LCN2: variants seen among roughly 807,000 people sequenced by gnomAD.
LCN2 encodes the protein neutrophil gelatinase-associated lipocalin.
Under a neutral mutation model 26.4 loss-of-function variants are expected in LCN2, and 27 were observed. That is an observed-to-expected ratio of 1.02 (90% confidence interval 0.76 to 1.41). LCN2 has a LOEUF of 1.41. LCN2 is among the 40% of genes most tolerant of loss of function. The pLI is 0.00. For missense variants in LCN2, 224 were observed against 237.6 expected, an observed-to-expected ratio of 0.94 and a Z score of 0.38; for synonymous variants, 94 against 98.9, an observed-to-expected ratio of 0.95 and a Z score of 0.30.
At chr9:128,152,978 A>T (rs1228346924) in intron 5 of LCN2, 122 bp from the exon 6 acceptor site, 3 of 1,379,532 alleles carry the variant, frequency 2.2e-6, no homozygotes, top group Non-Finnish European at 3.1e-6. Context: ...CAGCTGGGCC[A>T]GGTGGGGCAG....
At chr9:128,152,402 G>C in intron 5 of LCN2, 118 bp downstream of exon 5, 2 of 854,354 alleles carry the variant, frequency 2.3e-6, no homozygotes, top group Non-Finnish European at 3.7e-6. Flanking sequence ...CTGGAGCAGT[G>C]GATGGTCCAG....
chr9:128,153,154 G>GGCTT lies in LCN2; in HGVS notation c.*7+30_*7+33dup. 1 of 1,613,834 alleles carries GGCTT rather than the reference G, an allele frequency of 6.2e-7. No homozygotes were observed. The highest frequency in any genetic ancestry group is 2.2e-5 in the East Asian group (1 of 44,882). On this transcript the variant is annotated intron_variant, in intron 6 of 6. Coordinates refer to ENST00000277480, the MANE Select transcript of LCN2 (RefSeq NM_005564.5). This position sits in a 1 kb window ranked among gnomAD's most constrained non-coding sequence, Gnocchi z 5.4. ...GAGTGTGGCTGGGCGGCTGCGAGGG[G>GGCTT]GCTTGTGGGAGGCCAGGGTGCAGTG...
intron 2 of LCN2, 94 bp downstream of exon 2, chr9:128,150,468 G>A: frequency 6.6e-7 from 1 of 1,506,716 alleles, no homozygotes; most frequent in East Asian, 2.3e-5. Context: ...TCACCTCGCT[G>A]TTCTGCCCGG....
Position 128,153,219 on chromosome 9 carries a change from C to T in LCN2, c.*8-92C>T. On this transcript the variant is annotated intron_variant, in intron 6 of 6. Transcript: ENST00000277480. The surrounding 1 kb of genome is among the most constrained non-coding windows in gnomAD (Gnocchi z 5.4). ...GGCCTGCCTTTGCTCATCCCCCTGCCCCCCAGCACTGCTGCTGTCTTTATT... is the reference window on the plus strand; with the variant it reads ...GGCCTGCCTTTGCTCATCCCCCTGCTCCCCAGCACTGCTGCTGTCTTTATT... 7.0e-7 allele frequency: 1 copy of T among 1,428,708 alleles called. No individual in the cohort carries two copies. The highest frequency in any genetic ancestry group is 9.8e-7 in the Non-Finnish European group (1 of 1,016,410). The allele number at this position is 1,428,708 out of a possible 1,614,324, so 88.5% of individuals were successfully genotyped here. A position where few individuals can be genotyped will look rare whatever the true frequency, so the allele number is the denominator to read the frequency against.
rs1322446400 is a variant in LCN2 at position 128,152,233 on chromosome 9, T to C, written c.526T>C (p.Ser176Pro). Reference protein sequence around the residue: ...SELKENFIRFSKSLGLPENHI... With the variant: ...SELKENFIRFPKSLGLPENHI... ...ACTAAAGGAGAACTTCATCCGCTTC[T>C]CCAAATCTCTGGGCCTCCCTGAAAA... Residue 176 changes from serine (S) to proline (P), a missense_variant, in exon 5 of 7, where the codon TCC (serine) becomes CCC (proline). Coordinates refer to ENST00000277480, the MANE Select transcript of LCN2 (RefSeq NM_005564.5). 6.2e-7 allele frequency: 1 copy of C among 1,613,954 alleles called. No individual in the cohort carries two copies. Among genetic ancestry groups the C allele is most frequent in the Admixed American group, 1.7e-5 (1 of 60,008 alleles).
chr9:128,151,297 G>A (rs1366828226), intron 2 of LCN2, among the ~76,000 whole-genome samples: 12 of 152,018 alleles, frequency 7.9e-5, no homozygotes, highest in Admixed American at 7.9e-4. Flanking sequence ...GTGCAGGGGA[G>A]AAATGCAGGG....
intron 3 of LCN2, 81 bp downstream of exon 3, chr9:128,151,798 C>A (rs1412272577): frequency 9.4e-6 from 15 of 1,590,460 alleles, no homozygotes; most frequent in Non-Finnish European, 1.3e-5. Flanking sequence ...CCCCTCCACA[C>A]AGATGTGTTG....
intron 1 of LCN2, 76 bp downstream of exon 1, chr9:128,149,739 C>T (rs982950081): frequency 1.3e-6 from 2 of 1,570,016 alleles, no homozygotes; most frequent in South Asian, 1.1e-5. Flanking sequence ...GGTGAAGAGA[C>T]TCAGGAAGAG....
At chr9:128,152,361 A>G in intron 5 of LCN2, 77 bp downstream of exon 5, 1 of 1,299,440 alleles carries the variant, frequency 7.7e-7, no homozygotes, top group Non-Finnish European at 1.1e-6. Flanking sequence ...GGGATCAGGG[A>G]GAGGAGGGAC....
chr9:128,150,319 A>AG lies in LCN2; in HGVS notation c.220_221insG (p.Thr74SerfsTer4), dbSNP rs1266610368. The AG allele has an allele frequency of 6.2e-7, 1 of 1,614,162 alleles. No individual in the cohort carries two copies. The highest frequency in any genetic ancestry group is 8.5e-7 in the Non-Finnish European group (1 of 1,180,022). ...CAAAGACCCGCAAAAGATGTATGCCACCATCTATGAGCTGAAAGAAGACAA... is the reference window on the plus strand; with the variant it reads ...CAAAGACCCGCAAAAGATGTATGCCAGCCATCTATGAGCTGAAAGAAGACAA... On this transcript the variant is annotated frameshift_variant, in exon 2 of 7. Coordinates refer to ENST00000277480, the MANE Select transcript of LCN2 (RefSeq NM_005564.5). LOFTEE classifies it high-confidence loss of function.
chr9:128,151,847 G>C, intron 3 of LCN2, 59 bp from the exon 4 acceptor site: 2 of 1,607,898 alleles, frequency 1.2e-6, no homozygotes, highest in South Asian at 1.1e-5. Flanking sequence ...GGGGAGGGAG[G>C]GGACAGCTCC....
intron 2 of LCN2, among the ~76,000 whole-genome samples, chr9:128,150,919 C>A (rs1474941122): frequency 2.0e-5 from 3 of 152,196 alleles, no homozygotes; most frequent in Non-Finnish European, 4.4e-5. Context: ...TCTTGGGCCG[C>A]AGGGTGGGGA....
At chr9:128,150,476 C>G in intron 2 of LCN2, 102 bp downstream of exon 2, 3 of 1,448,028 alleles carry the variant, frequency 2.1e-6, no homozygotes, top group Non-Finnish European at 2.9e-6. Flanking sequence ...CTGTTCTGCC[C>G]GGAATTCATC....
chr9:128,149,541 C>T lies in LCN2; in HGVS notation c.16C>T (p.Leu6=). 7 of 1,613,098 alleles carry T rather than the reference C, an allele frequency of 4.3e-6. No homozygotes were observed. The highest frequency in any genetic ancestry group is 5.9e-6 in the Non-Finnish European group (7 of 1,179,494). Residue 6 remains leucine, a synonymous_variant, in exon 1 of 7, where the codon CTG becomes TTG. Coordinates refer to ENST00000277480, the MANE Select transcript of LCN2 (RefSeq NM_005564.5). Reference sequence around the variant, plus strand: ...CCCTGAAATCATGCCCCTAGGTCTCCTGTGGCTGGGCCTAGCCCTGTTGGG... The same window carrying T: ...CCCTGAAATCATGCCCCTAGGTCTCTTGTGGCTGGGCCTAGCCCTGTTGGG... MPLGL[L]WLGLALLGAL...
intron 5 of LCN2, among the ~76,000 whole-genome samples, chr9:128,152,760 C>T (rs1036458930): frequency 3.3e-5 from 5 of 152,154 alleles, no homozygotes; most frequent in African/African-American, 1.2e-4. Context: ...GCAGGAGGCT[C>T]CAGCCAGGCC....
chr9:128,149,551 G>T lies in LCN2; in HGVS notation c.26G>T (p.Gly9Val), dbSNP rs147787222. MPLGLLWL[G>V]LALLGALHAQ... ...ATGCCCCTAGGTCTCCTGTGGCTGG[G>T]CCTAGCCCTGTTGGGGGCTCTGCAT... The change falls in exon 1 of 7, where the codon GGC becomes GTC. Residue 9 changes from glycine to valine, a missense_variant. Physicochemically the swap from Gly to Val is moderately radical, Grantham distance 109. Coordinates refer to ENST00000277480, the MANE Select transcript of LCN2 (RefSeq NM_005564.5). 2,419 of 1,613,700 alleles carry T rather than the reference G, an allele frequency of 1.5e-3. 11 individuals are homozygous for T. The highest frequency in any genetic ancestry group is 8.4e-3 in the Middle Eastern group (51 of 6,056).
At chr9:128,151,576 C>A in intron 2 of LCN2, 62 bp from the exon 3 acceptor site, 3 of 1,362,392 alleles carry the variant, frequency 2.2e-6, no homozygotes, top group East Asian at 2.3e-5. Context: ...CCACCTTGTC[C>A]AGCACAGGAG....
At position 128,149,603 on chromosome 9, in the gene LCN2, C is replaced by T; in HGVS notation, c.78C>T (p.Asp26=). Residue 26 remains aspartate (D), a synonymous_variant, in exon 1 of 7, where the codon GAC becomes GAT. Coordinates refer to ENST00000277480, the MANE Select transcript of LCN2 (RefSeq NM_005564.5). ...LHAQAQDSTS[D]LIPAPPLSKV... ...CCCAGGCCCAGGACTCCACCTCAGA[C>T]CTGATCCCAGCCCCACCTCTGAGCA... The T allele has an allele frequency of 6.2e-7, 1 of 1,614,058 alleles. No homozygotes were observed. Among genetic ancestry groups the T allele is most frequent in the South Asian group, 1.1e-5 (1 of 91,084 alleles).
rs549154926 is a variant in LCN2 at position 128,153,339 on chromosome 9, A to T, written c.*36A>T. 6 of 621,702 alleles carry T rather than the reference A, an allele frequency of 9.7e-6. No individual in the cohort carries two copies. The South Asian group carries it at 1.1e-4, about 11-fold the overall frequency. The allele number at this position is 621,702 out of a possible 1,614,324, so 38.5% of individuals were successfully genotyped here. A position where few individuals can be genotyped will look rare whatever the true frequency, so the allele number is the denominator to read the frequency against. On this transcript the variant is annotated 3_prime_UTR_variant, in exon 7 of 7. Coordinates refer to ENST00000277480, the MANE Select transcript of LCN2 (RefSeq NM_005564.5). This position sits in a 1 kb window ranked among gnomAD's most constrained non-coding sequence, Gnocchi z 5.4. ...GCCGCCAGCTGCCGCACCAGCCCGA[A>T]CACCATTGAGGGAGCTGGGAGACCC...
Sources: allele counts gnomAD v4.1 joint callset (sites outside exome capture counted in the v4.1 genomes callset), GRCh38; gene constraint gnomAD v4.1.1; non-coding constraint Gnocchi (gnomAD v3.1); transcripts MANE v1.5; gene names NCBI Gene and HGNC (gene_info 2026-07-23, HGNC 2026-07-21).